COL19A1: variants seen among roughly 807,000 people sequenced by gnomAD.
COL19A1 encodes collagen type XIX alpha 1 chain.
A neutral mutation model predicts 190.2 loss-of-function variants in COL19A1; 159 were observed. That is an observed-to-expected ratio of 0.84 (90% CI 0.73 to 0.95). COL19A1 has a LOEUF of 0.95. COL19A1 is among the 40% of genes least tolerant of loss of function. The pLI is 0.00. For missense variants in COL19A1, 1,418 were observed against 1,431.9 expected (o/e 0.99, Z 0.16); for synonymous variants, 509 against 458.9 (o/e 1.11, Z -1.39).
chr6:69,891,864 C>A (rs776565662), intron 2 of COL19A1, among the ~76,000 whole-genome samples: 1 of 152,212 alleles, frequency 6.6e-6, no homozygotes, highest in Non-Finnish European at 1.5e-5. Flanking sequence ...TACCTTTTAA[C>A]TTCCATTATT....
intron 13 of COL19A1, 80 bp downstream of exon 13, chr6:70,034,378 G>C (rs45496493): frequency 1.2e-5 from 12 of 1,002,488 alleles, no homozygotes; most frequent in Non-Finnish European, 1.9e-5. Flanking sequence ...CATTGATACT[G>C]TTTATCTCCT....
intron 44 of COL19A1, among the ~76,000 whole-genome samples, chr6:70,182,559 T>G (rs1469039162): frequency 6.6e-6 from 1 of 152,130 alleles, no homozygotes; most frequent in Non-Finnish European, 1.5e-5. Flanking sequence ...GCTTCAACTG[T>G]TAGGAAGACA....
intron 15 of COL19A1, among the ~76,000 whole-genome samples, chr6:70,071,312 C>T: frequency 6.6e-6 from 1 of 152,136 alleles, no homozygotes; most frequent in East Asian, 1.9e-4. Flanking sequence ...ATAATAGCAA[C>T]ACTATTTTTG....
intron 12 of COL19A1, among the ~76,000 whole-genome samples, chr6:70,033,025 C>A (rs1236218216): frequency 6.6e-6 from 1 of 152,010 alleles, no homozygotes; most frequent in Admixed American, 6.6e-5. Context: ...TTTCACTCAT[C>A]CTTTTTCTAT....
At chr6:70,102,257 A>G in intron 16 of COL19A1, 35 bp downstream of exon 16, 1 of 1,467,828 alleles carries the variant, frequency 6.8e-7, no homozygotes, top group Non-Finnish European at 9.6e-7. Flanking sequence ...CCCTTTAAAG[A>G]GTCTGTCTTT....
At chr6:70,184,986 A>AC in intron 46 of COL19A1, 71 bp downstream of exon 46, 5 of 1,476,774 alleles carry the variant, frequency 3.4e-6, no homozygotes, top group Non-Finnish European at 4.7e-6. Flanking sequence ...TGAGTTACAC[A>AC]ATTATGTGTG....
At chr6:70,184,585 C>T in intron 44 of COL19A1, 118 bp from the exon 45 acceptor site, 1 of 814,372 alleles carries the variant, frequency 1.2e-6, no homozygotes, top group South Asian at 1.9e-5. Flanking sequence ...TACCACCTTT[C>T]TTTACCAAGC....
chr6:70,104,328 A>AACTT (rs1235678162), intron 16 of COL19A1, among the ~76,000 whole-genome samples: 4 of 152,160 alleles, frequency 2.6e-5, no homozygotes, highest in African/African-American at 9.7e-5. Flanking sequence ...GGTCTCAGGA[A>AACTT]ACTTACAGTC....
chr6:70,160,965 A>G (rs998023793), intron 34 of COL19A1, among the ~76,000 whole-genome samples: 1 of 152,148 alleles, frequency 6.6e-6, no homozygotes, highest in African/African-American at 2.4e-5. Context: ...TTTATCTAAC[A>G]ATATTCTGTT....
chr6:69,926,773 C>T (rs956118005), intron 4 of COL19A1, among the ~76,000 whole-genome samples: 6 of 152,070 alleles, frequency 3.9e-5, no homozygotes, highest in Non-Finnish European at 8.8e-5. Context: ...GGAAGCTCAA[C>T]AGACTCTAAG....
chr6:70,007,283 T>G (rs1238024198), intron 11 of COL19A1, among the ~76,000 whole-genome samples: 2 of 152,102 alleles, frequency 1.3e-5, no homozygotes, highest in African/African-American at 4.8e-5. Flanking sequence ...AGGTAAAGAA[T>G]GTCAGATTGG....
intron 42 of COL19A1, among the ~76,000 whole-genome samples, chr6:70,178,177 C>T (rs1027457540): frequency 1.3e-5 from 2 of 152,148 alleles, no homozygotes; most frequent in Admixed American, 6.5e-5. Context: ...CACTTGAGCC[C>T]AGGAGTTAGA....
At chr6:70,082,947 C>G (rs1020331167) in intron 15 of COL19A1, among the ~76,000 whole-genome samples, 4 of 152,114 alleles carry the variant, frequency 2.6e-5, no homozygotes, top group Non-Finnish European at 5.9e-5. Context: ...GAATCTAATG[C>G]CCCCACTGAT....
chr6:69,870,711 T>C (rs1458353822), intron 1 of COL19A1, among the ~76,000 whole-genome samples: 2 of 152,144 alleles, frequency 1.3e-5, no homozygotes, highest in African/African-American at 4.8e-5. Context: ...GTCTTTGTTT[T>C]AGAAATAGAA....
rs6930775 is a variant in COL19A1, at chr6:70,034,671, C to A, written c.1134+373C>A. On this transcript the variant is annotated intron_variant, in intron 13 of 50. Coordinates refer to ENST00000620364, the MANE Select transcript of COL19A1 (RefSeq NM_001858.6). The stretch of plus-strand genomic sequence containing the variant: ...TTTTGGAAAGAAGCTAGTTTTGTAT[C>A]TCAGTCTTAATTTAACTATTCCATT... 1.0e-3 allele frequency among the ~76,000 whole-genome samples: 152 copies of A among 152,260 alleles called. 1 individual carries two copies. The highest frequency in any genetic ancestry group is 3.4e-3 in the African/African-American group (142 of 41,538).
chr6:69,885,421 A>G (rs770640881), intron 2 of COL19A1, among the ~76,000 whole-genome samples: 17 of 152,338 alleles, frequency 1.1e-4, no homozygotes, highest in Non-Finnish European at 1.5e-4. Flanking sequence ...ATATAATTAA[A>G]TGACTACTGT....
chr6:69,867,348 C>G (rs1767525389), intron 1 of COL19A1: 3 of 153,750 alleles, frequency 2.0e-5, no homozygotes, highest in African/African-American at 4.8e-5. Context: ...GCAGCGCGGT[C>G]GGCCACAGCG....
intron 48 of COL19A1, among the ~76,000 whole-genome samples, chr6:70,194,797 T>C (rs551876142): frequency 6.6e-6 from 1 of 152,240 alleles, no homozygotes; most frequent in East Asian, 1.9e-4. Flanking sequence ...TCTGGCTCTC[T>C]AAGTTCTTGA....
chr6:70,153,923 T>C (rs1357613653), intron 31 of COL19A1, among the ~76,000 whole-genome samples: 3 of 152,084 alleles, frequency 2.0e-5, no homozygotes, highest in African/African-American at 7.2e-5. Flanking sequence ...ATATTCAGAC[T>C]CTAAGAAAGA....
Sources: gnomAD v4.1 joint callset for allele counts (sites outside exome capture counted in the v4.1 genomes callset) on GRCh38, gnomAD v4.1.1 for gene constraint, MANE v1.5 for transcripts, NCBI Gene and HGNC (gene_info 2026-07-23, HGNC 2026-07-21) for gene names.